SH3BP5: variants seen among roughly 807,000 people sequenced by gnomAD.
The protein encoded by SH3BP5 is SH3 domain binding protein 5.
SH3BP5 carries 22 observed loss-of-function variants against 43.3 expected under a neutral mutation model. The ratio of observed to expected loss-of-function variants is 0.51; its 90% confidence interval spans 0.36 to 0.73. The LOEUF (loss-of-function observed/expected upper bound fraction) is 0.73. SH3BP5 is among the 30% of genes least tolerant of loss of function. SH3BP5 has a pLI of 0.00. For missense variants in SH3BP5, 529 were observed against 586.9 expected, an observed-to-expected ratio of 0.90 and a Z score of 1.02; for synonymous variants, 255 against 225.8, an observed-to-expected ratio of 1.13 and a Z score of -1.16.
intron 2 of SH3BP5, among the ~76,000 whole-genome samples, chr3:15,304,604 C>A (rs1697846911): frequency 6.6e-6 from 1 of 152,084 alleles, no homozygotes; most frequent in Non-Finnish European, 1.5e-5. Context: ...CACTTGAGGT[C>A]AGGAGTTGGA....
At chr3:15,320,192 A>G (rs1338780150) in intron 2 of SH3BP5, among the ~76,000 whole-genome samples, 1 of 152,096 alleles carries the variant, frequency 6.6e-6, no homozygotes, top group African/African-American at 2.4e-5. Context: ...CAAACAATAA[A>G]AGATTTATAT....
chr3:15,324,597 T>TA (rs1698413374), intron 2 of SH3BP5, among the ~76,000 whole-genome samples: 1 of 50 alleles, frequency 0.02, no homozygotes, highest in African/African-American at 0.056. Flanking sequence ...TCCCCCGGTC[T>TA]ATCTATGCTT....
chr3:15,259,312 A>G (rs137887767), intron 6 of SH3BP5: 236 of 564,706 alleles, frequency 4.2e-4, no homozygotes, highest in Non-Finnish European at 3.6e-4. Flanking sequence ...CAGGGAAGCA[A>G]AAATGGGCAT....
At chr3:15,331,483 G>A (rs557842761) in intron 1 of SH3BP5, among the ~76,000 whole-genome samples, 6 of 152,278 alleles carry the variant, frequency 3.9e-5, no homozygotes, top group African/African-American at 1.4e-4. Context: ...GATTTGCTCT[G>A]CTTTTTGCTT....
intron 2 of SH3BP5, among the ~76,000 whole-genome samples, chr3:15,325,325 G>T (rs1381783414): frequency 2.6e-5 from 4 of 152,212 alleles, no homozygotes; most frequent in Non-Finnish European, 5.9e-5. Context: ...ATTTATCTCT[G>T]ACTCACTGCC....
intron 3 of SH3BP5, among the ~76,000 whole-genome samples, chr3:15,280,739 C>T (rs1697103844): frequency 6.6e-6 from 1 of 152,192 alleles, no homozygotes; most frequent in Non-Finnish European, 1.5e-5. Flanking sequence ...GGTGGGTTTC[C>T]CTGAGCTCAG....
intron 2 of SH3BP5, among the ~76,000 whole-genome samples, chr3:15,310,787 C>T (rs1698035570): frequency 6.6e-6 from 1 of 152,246 alleles, no homozygotes; most frequent in East Asian, 1.9e-4. Flanking sequence ...GTGACTCAGA[C>T]TGAAGGTAAT....
chr3:15,295,298 G>A (rs1697537285), intron 3 of SH3BP5, among the ~76,000 whole-genome samples: 1 of 152,134 alleles, frequency 6.6e-6, no homozygotes, highest in Non-Finnish European at 1.5e-5. Flanking sequence ...CAGTGTTCTT[G>A]GGGCCATCCA....
intron 1 of SH3BP5, 127 bp downstream of exon 1, chr3:15,332,144 C>G (rs1698627716): frequency 4.9e-6 from 7 of 1,430,304 alleles, no homozygotes; most frequent in Non-Finnish European, 3.8e-6. Context: ...CGTCTCCTGC[C>G]ACCCTATGTG....
At chr3:15,330,254 G>A (rs181065283) in intron 2 of SH3BP5, among the ~76,000 whole-genome samples, 3 of 152,314 alleles carry the variant, frequency 2.0e-5, no homozygotes, top group Non-Finnish European at 2.9e-5. Context: ...GTTGTGTAAC[G>A]CTCTGCACAG....
chr3:15,264,633 G>C (rs558398329), intron 4 of SH3BP5: 2 of 152,252 alleles, frequency 1.3e-5, no homozygotes, highest in South Asian at 4.1e-4. Flanking sequence ...AGCTAAGCTG[G>C]CACGAGGAGA....
intron 2 of SH3BP5, among the ~76,000 whole-genome samples, chr3:15,313,233 T>C (rs112528379): frequency 1.3e-5 from 2 of 152,190 alleles, no homozygotes; most frequent in African/African-American, 4.8e-5. Context: ...GCACTCCAGC[T>C]TGGGCAACAA....
chr3:15,276,126 C>T (rs1696958831), intron 3 of SH3BP5: 1 of 151,466 alleles, frequency 6.6e-6, no homozygotes, highest in African/African-American at 2.4e-5. Flanking sequence ...TAGAGCATTC[C>T]ACGAAGGGTC....
At chr3:15,338,511 C>T (rs766841199) in intron 1 of SH3BP5, among the ~76,000 whole-genome samples, 4 of 151,984 alleles carry the variant, frequency 2.6e-5, no homozygotes, top group Non-Finnish European at 4.4e-5. Flanking sequence ...GTGATATTTA[C>T]GTGGCACTTT....
chr3:15,307,152 G>A (rs114461501), intron 2 of SH3BP5, among the ~76,000 whole-genome samples: 2,494 of 152,178 alleles, frequency 0.016, 60 homozygotes, highest in African/African-American at 0.053. Context: ...CTCAGCTCCC[G>A]AGCCTGGATC....
upstream of SH3BP5, among the ~76,000 whole-genome samples, chr3:15,335,377 C>T (rs868529578): frequency 6.7e-6 from 1 of 149,416 alleles, no homozygotes; most frequent in African/African-American, 2.5e-5. Context: ...GACTTTCTCT[C>T]AAAAAAAAAG....
intron 2 of SH3BP5, among the ~76,000 whole-genome samples, chr3:15,326,450 C>G (rs1330621754): frequency 6.6e-6 from 1 of 152,158 alleles, no homozygotes; most frequent in African/African-American, 2.4e-5. Context: ...ACAAAAATCA[C>G]GAGAGGTGCC....
chr3:15,298,084 C>T (rs1697627037), intron 3 of SH3BP5, among the ~76,000 whole-genome samples: 1 of 151,760 alleles, frequency 6.6e-6, no homozygotes, highest in Non-Finnish European at 1.5e-5. Flanking sequence ...TCAAGCAATC[C>T]TCCTGCCTCT....
At chr3:15,277,215 G>A (rs886617970) in intron 3 of SH3BP5, among the ~76,000 whole-genome samples, 24 of 151,958 alleles carry the variant, frequency 1.6e-4, no homozygotes, top group Non-Finnish European at 2.6e-4. Flanking sequence ...TAGGTGATCC[G>A]CCTGCCTCAG....
Sources: allele counts gnomAD v4.1 joint callset (sites outside exome capture counted in the v4.1 genomes callset), GRCh38; gene constraint gnomAD v4.1.1; transcripts MANE v1.5; gene names NCBI Gene and HGNC (gene_info 2026-07-23, HGNC 2026-07-21).